The following MTX1 variants were observed in gnomAD, a reference collection of about 807,000 sequenced individuals.
MTX1 encodes the protein metaxin-1.
A neutral mutation model predicts 39.4 loss-of-function variants in MTX1; 20 were observed. The ratio of observed to expected loss-of-function variants is 0.51; its 90% CI spans 0.36 to 0.74. The LOEUF (loss-of-function observed/expected upper bound fraction) is 0.74. Among genes scored for constraint, MTX1 ranks in the 30% least tolerant of loss-of-function variants. The pLI, the probability that MTX1 is intolerant of heterozygous loss-of-function variation, is 0.00. For synonymous variants in MTX1, 209 were observed against 198.6 expected, an observed-to-expected ratio of 1.05 and a Z score of -0.44; for missense variants, 481 against 485.9, an observed-to-expected ratio of 0.99 and a Z score of 0.10.
chr1:155,210,674 A>G, intron 3 of MTX1, 47 bp downstream of exon 3: 3 of 1,506,900 alleles, frequency 2.0e-6, no homozygotes, highest in Non-Finnish European at 2.8e-6. Context: ...AAGTTCAGTC[A>G]ATTCTATACA....
Position 155,208,721 on chromosome 1 carries a change from C to T in MTX1, c.-84C>T. ...CCCAAGCCCCAGCCCGGCCTCCGCT[C>T]CGGCCGCCGCCACCGCCCCTGTTTT... On this transcript the variant is annotated 5_prime_UTR_variant, in exon 1 of 8. Coordinates refer to ENST00000368376, the MANE Select transcript of MTX1 (RefSeq NM_002455.5). 7.6e-7 allele frequency: 1 copy of T among 1,323,630 alleles called. No homozygotes were observed. The highest frequency in any genetic ancestry group is 2.7e-5 in the East Asian group (1 of 36,518). The allele number at this position is 1,323,630 out of a possible 1,614,324, so 82.0% of individuals were successfully genotyped here.
At position 155,210,571 on chromosome 1, in the gene MTX1, A is replaced by G. The variant is rs771030118; in HGVS notation, c.622A>G (p.Ser208Gly). 19 of 1,614,072 alleles carry G rather than the reference A, an allele frequency of 1.2e-5. No homozygotes were observed. In the East Asian group the frequency reaches 4.2e-4, roughly 36 times the overall value. The change falls in exon 3 of 8, where the codon AGT becomes GGT. Residue 208 changes from serine to glycine, a missense_variant. Around this residue, in one of 2 missense-constraint regions of MTX1, gnomAD observed 368 missense variants for 332.8 expected, o/e 1.11. Transcript: ENST00000368376. Reference protein sequence around the residue: ...PSGTLPALRTSHGEVISVPHK... With the variant: ...PSGTLPALRTGHGEVISVPHK... The stretch of plus-strand genomic sequence containing the variant: ...AGGAACTCTGCCTGCCCTTCGGACC[A>G]GTCATGGAGAGGTCATCTCAGTTCC...
intron 3 of MTX1, 91 bp downstream of exon 3, chr1:155,210,718 G>A: frequency 8.3e-7 from 1 of 1,211,438 alleles, no homozygotes; most frequent in East Asian, 2.3e-5. Flanking sequence ...TATATGCCAT[G>A]CTAGATGCAG....
rs774957655 is a variant in MTX1 at position 155,208,947 on chromosome 1, C to G, written c.143C>G (p.Ala48Gly). 1.2e-6 allele frequency: 2 copies of G among 1,609,908 alleles called. No homozygotes were observed. Among genetic ancestry groups the G allele is most frequent in the South Asian group, 1.1e-5 (1 of 90,670 alleles). ...AGACCCCGCTCTCCAGAGCCTGCCG[C>G]GCCTTCAGGGGTTCGGGGCTCCACT... ...RTRPRSPEPA[A>G]PSGVRGSTWT... Residue 48 changes from alanine (A) to glycine (G), a missense_variant, in exon 1 of 8, where the codon GCG becomes GGG. By Grantham distance (60) the Ala-to-Gly change is moderately conservative. Coordinates refer to ENST00000368376, the MANE Select transcript of MTX1 (RefSeq NM_002455.5).
rs1468305017 is a variant in MTX1 at position 155,209,344 on chromosome 1, C to T, written c.528+12C>T. 8 of 1,408,078 alleles carry T rather than the reference C, an allele frequency of 5.7e-6. No homozygotes were observed. Among genetic ancestry groups the T allele is most frequent in the Non-Finnish European group, 7.4e-6 (8 of 1,084,208 alleles). 87.2% of individuals were successfully genotyped at this position (1,408,078 alleles called of 1,614,324 possible). A position where few individuals can be genotyped will look rare whatever the true frequency, so the allele number is the denominator to read the frequency against. ...GCCTGGCCGTGCTGGTGAGGGGTGG[C>T]GCCGGCGCCCTCTGCTGTGCCCTGA... On this transcript the variant is annotated intron_variant, in intron 1 of 7. Transcript: ENST00000368376.
At chr1:155,212,890 A>T in intron 6 of MTX1, 120 bp downstream of exon 6, 1 of 1,470,300 alleles carries the variant, frequency 6.8e-7, no homozygotes, top group Non-Finnish European at 9.1e-7. Context: ...GGTCCCTGGG[A>T]TAGAAACTGG....
At chr1:155,211,322 G>A (rs1671126462) in intron 3 of MTX1, 1 of 152,904 alleles carries the variant, frequency 6.5e-6, no homozygotes, top group Admixed American at 6.5e-5. Context: ...CGAGGCCACT[G>A]CCCTGATTGC....
chr1:155,210,297 T>C, intron 1 of MTX1, 49 bp from the exon 2 acceptor site: 1 of 1,490,754 alleles, frequency 6.7e-7, no homozygotes, highest in East Asian at 2.3e-5. Context: ...TTGATACCAC[T>C]GTGGGGGACA....
In MTX1 at chr1:155,212,356, A is replaced by G. The variant is rs390685; in HGVS notation, c.772-29A>G. On this transcript the variant is annotated intron_variant, in intron 4 of 7. Transcript: ENST00000368376. The stretch of plus-strand genomic sequence containing the variant: ...CAGACAGGTGCACTGGCTCAGACCT[A>G]CCTGTTTCTTCCTGCCCACCCAATC... 1,079 of 1,612,720 alleles carry G rather than the reference A, an allele frequency of 6.7e-4. 4 individuals carry two copies. The highest frequency in any genetic ancestry group is 2.9e-3 in the East Asian group (128 of 44,846).
chr1:155,211,352 T>C (rs1671127225), intron 3 of MTX1: 1 of 152,486 alleles, frequency 6.6e-6, no homozygotes, highest in South Asian at 2.0e-4. Context: ...AACAGAGCTT[T>C]TCCAGTTTCC....
In MTX1 at chr1:155,209,279, T is replaced by C. The variant is rs1670978273; in HGVS notation, c.475T>C (p.Trp159Arg). The change falls in exon 1 of 8, where the codon TGG becomes CGG. Residue 159 changes from tryptophan to arginine, a missense_variant. By Grantham distance (101) the Trp-to-Arg change is moderately radical (BLOSUM62 -3). This residue lies in a region of MTX1 where 368 missense variants were observed against 332.8 expected (regional missense o/e 1.11). Coordinates refer to ENST00000368376, the MANE Select transcript of MTX1 (RefSeq NM_002455.5). The stretch of plus-strand genomic sequence containing the variant: ...GGCGGCGCCCATGGAGCTGTTCTGC[T>C]GGTCAGGGGGCTGGGGGCTGCCGTC... ...KMAAPMELFC[W>R]SGGWGLPSVD... is the part of the protein sequence containing the mutation. The C allele has an allele frequency of 2.1e-6, 3 of 1,445,448 alleles. No individual in the cohort carries two copies. The highest frequency in any genetic ancestry group is 2.7e-6 in the Non-Finnish European group (3 of 1,097,854). 89.5% of individuals were successfully genotyped at this position (1,445,448 alleles called of 1,614,324 possible).
rs377460190 is a variant in MTX1, at chr1:155,212,589, A to C, written c.954+22A>C. The C allele has an allele frequency of 1.9e-6, 3 of 1,603,108 alleles. No homozygotes were observed. The East Asian group carries it at 6.7e-5, about 36-fold the overall frequency. On this transcript the variant is annotated intron_variant, in intron 5 of 7. Transcript: ENST00000368376. ...GGAGGTAGCTCTGAGACCGGGGGCTATTGTATGAGATGAGCCCCAAGGATG... is the reference window on the plus strand; with the variant it reads ...GGAGGTAGCTCTGAGACCGGGGGCTCTTGTATGAGATGAGCCCCAAGGATG...
rs759099079 is a variant in MTX1, at chr1:155,212,216, G to A, written c.768G>A (p.Val256=). 1.7e-5 allele frequency: 28 copies of A among 1,609,680 alleles called. No individual in the cohort carries two copies. In the South Asian group the frequency reaches 3.1e-4, roughly 18 times the overall value. Residue 256 remains valine, a synonymous_variant, in exon 4 of 8, where the codon GTG becomes GTA. Coordinates refer to ENST00000368376, the MANE Select transcript of MTX1 (RefSeq NM_002455.5). ...MSLLEEKLLP[V]LVHTFWIDTK... ...TCCTGGAGGAGAAGTTGCTCCCGGT[G>A]CTGGTGAGTGTGCCCAGACCTCCCA...
chr1:155,209,384 GC>G, intron 1 of MTX1, 52 bp downstream of exon 1: 1 of 1,361,136 alleles, frequency 7.3e-7, no homozygotes, highest in Non-Finnish European at 9.4e-7. Flanking sequence ...TGGGGAGGGG[GC>G]CGAACTAGCC....
chr1:155,210,719 C>A, intron 3 of MTX1, 92 bp downstream of exon 3: 2 of 1,209,582 alleles, frequency 1.7e-6, no homozygotes, highest in Non-Finnish European at 2.4e-6. Context: ...ATATGCCATG[C>A]TAGATGCAGG....
At position 155,208,707 on chromosome 1, in the gene MTX1, G is replaced by GC; in HGVS notation, c.-95dup. ...CTTCCCCTCCCCCACCCAAGCCCCA[G>GC]CCCGGCCTCCGCTCCGGCCGCCGCC... On this transcript the variant is annotated 5_prime_UTR_variant, in exon 1 of 8. Coordinates refer to ENST00000368376, the MANE Select transcript of MTX1 (RefSeq NM_002455.5). 1.5e-5 allele frequency: 16 copies of GC among 1,035,818 alleles called. No individual in the cohort carries two copies. The highest frequency in any genetic ancestry group is 3.1e-5 in the East Asian group (1 of 32,542). The allele number at this position is 1,035,818 out of a possible 1,614,324, so 64.2% of individuals were successfully genotyped here.
At chr1:155,209,468 G>A in intron 1 of MTX1, 136 bp downstream of exon 1, 2 of 1,024,498 alleles carry the variant, frequency 2.0e-6, no homozygotes, top group Non-Finnish European at 2.6e-6. Flanking sequence ...AAGAGCGTAC[G>A]TGGCCGATAT....
chr1:155,209,978 T>C (rs182110270), intron 1 of MTX1, among the ~76,000 whole-genome samples: 2 of 152,264 alleles, frequency 1.3e-5, no homozygotes, highest in Admixed American at 1.3e-4. Flanking sequence ...TATTCACATA[T>C]AAGTTAAAGT....
Position 155,209,136 on chromosome 1 carries a change from G to A in MTX1, c.332G>A (p.Gly111Glu). Residue 111 changes from glycine (G) to glutamate (E), a missense_variant, in exon 1 of 8, where the codon GGG becomes GAG. By Grantham distance (98) the Gly-to-Glu change is moderately conservative (BLOSUM62 -2). Coordinates refer to ENST00000368376, the MANE Select transcript of MTX1 (RefSeq NM_002455.5). ...SRARRSLASPGISPGPLTATI... is the reference protein window; with the variant it reads ...SRARRSLASPEISPGPLTATI... Reference sequence around the variant, plus strand: ...GCCAGAAGAAGCCTCGCCTCCCCGGGGATCTCCCCAGGCCCCCTGACCGCA... The same window carrying A: ...GCCAGAAGAAGCCTCGCCTCCCCGGAGATCTCCCCAGGCCCCCTGACCGCA... 2 of 1,540,378 alleles carry A rather than the reference G, an allele frequency of 1.3e-6. No homozygotes were observed. The highest frequency in any genetic ancestry group is 1.2e-5 in the South Asian group (1 of 83,132).
Sources: allele counts gnomAD v4.1 joint callset (sites outside exome capture counted in the v4.1 genomes callset), GRCh38; gene constraint gnomAD v4.1.1; regional missense constraint gnomAD v4.1.1; transcripts MANE v1.5; gene names NCBI Gene and HGNC (gene_info 2026-07-23, HGNC 2026-07-21).